KLRG1: variants seen among roughly 807,000 people sequenced by gnomAD.
The protein encoded by KLRG1 is killer cell lectin like receptor G1.
In KLRG1, 16 loss-of-function variants were observed where a neutral mutation model predicts 21.8. The observed-to-expected ratio is 0.73, with a 90% CI of 0.50 to 1.11. The LOEUF is 1.11. Ranked by LOEUF, KLRG1 falls within the 50% of genes most tolerant of loss-of-function variation. The pLI, the probability that KLRG1 is intolerant of heterozygous loss-of-function variation, is 0.00. For missense variants in KLRG1, 173 were observed against 218.3 expected (o/e 0.79, Z 1.31); for synonymous variants, 69 against 75.9 (o/e 0.91, Z 0.47).
chr12:9,176,237 T>C, the KLRG1 span, among the ~76,000 whole-genome samples: 1 of 152,194 alleles, frequency 6.6e-6, no homozygotes, highest in Non-Finnish European at 1.5e-5. Context: ...TGTTCTCACT[T>C]ATGAGTGGGA....
chr12:9,106,354 A>G, the KLRG1 span: 3 of 1,581,694 alleles, frequency 1.9e-6, no homozygotes, highest in African/African-American at 2.7e-5. Flanking sequence ...CACTGAAAAA[A>G]GAGAAAAAAA....
chr12:9,188,482 T>C, the KLRG1 span, among the ~76,000 whole-genome samples: 1 of 152,144 alleles, frequency 6.6e-6, no homozygotes, highest in African/African-American at 2.4e-5. Context: ...ATGTCCTCTC[T>C]CACCACTCCT....
At chr12:9,137,439 A>G in the KLRG1 span, among the ~76,000 whole-genome samples, 2 of 152,048 alleles carry the variant, frequency 1.3e-5, no homozygotes, top group African/African-American at 4.8e-5. Context: ...TTTGTACTAA[A>G]TTTTGAAATT....
At chr12:8,962,809 A>G (rs1001767035) in intron 1 of KLRG1, among the ~76,000 whole-genome samples, 2 of 152,144 alleles carry the variant, frequency 1.3e-5, no homozygotes, top group African/African-American at 4.8e-5. Flanking sequence ...CCCAACCCTG[A>G]AAAGATCAGA....
chr12:9,132,669 G>C, the KLRG1 span, among the ~76,000 whole-genome samples: 7 of 130,902 alleles, frequency 5.3e-5, no homozygotes, highest in Non-Finnish European at 1.0e-4. Context: ...TACAACAGTG[G>C]GAAGAGTGAG....
chr12:8,967,144 A>G (rs1387047029), intron 1 of KLRG1, among the ~76,000 whole-genome samples: 1 of 132,728 alleles, frequency 7.5e-6, no homozygotes, highest in Non-Finnish European at 1.6e-5. Flanking sequence ...ATGAGAACAC[A>G]TGGACACAGG....
the KLRG1 span, chr12:9,196,404 T>A: frequency 6.2e-7 from 1 of 1,613,788 alleles, no homozygotes; most frequent in East Asian, 2.2e-5. Flanking sequence ...ACAATGTTTG[T>A]GATTTCACTG....
the KLRG1 span, chr12:9,150,507 C>T: frequency 8.6e-6 from 5 of 584,676 alleles, no homozygotes; most frequent in South Asian, 4.3e-5. Context: ...TGTAGTAAGT[C>T]GTTTTTATAG....
At chr12:9,154,737 A>T in the KLRG1 span, 3 of 1,614,140 alleles carry the variant, frequency 1.9e-6, no homozygotes, top group Non-Finnish European at 2.5e-6. Context: ...AGCGAGGAGC[A>T]CATAGGATGT....
At chr12:9,027,500 CTT>C in the KLRG1 span, 2 of 1,073,232 alleles carry the variant, frequency 1.9e-6, no homozygotes, top group African/African-American at 1.6e-5. Flanking sequence ...CTCTGGCTCT[CTT>C]CTCCTGCTAA....
chr12:9,015,609 G>T (rs1373782357), downstream of KLRG1, among the ~76,000 whole-genome samples: 3 of 151,948 alleles, frequency 2.0e-5, no homozygotes, highest in Non-Finnish European at 2.9e-5. Context: ...CATCCAGACA[G>T]AACATCAACA....
chr12:9,027,094 C>T, the KLRG1 span, among the ~76,000 whole-genome samples: 3 of 150,418 alleles, frequency 2.0e-5, no homozygotes, highest in Non-Finnish European at 3.0e-5. Flanking sequence ...TATATATATA[C>T]ATTGTGGAAT....
Position 9,009,543 on chromosome 12 carries a change from G to T in KLRG1, c.*6G>T, listed in dbSNP as rs1430445727. On this transcript the variant is annotated 3_prime_UTR_variant, in exon 5 of 5. Transcript: ENST00000356986. ...GTAAGAAGGTCAGACTTTGATAGAT[G>T]ACCACTCTGTCCTGACCCTCAGATC... The T allele has an allele frequency of 1.2e-6, 2 of 1,613,550 alleles. No individual in the cohort carries two copies. The highest frequency in any genetic ancestry group is 1.1e-5 in the South Asian group (1 of 91,012).
At chr12:8,975,399 T>C (rs1379841366) in intron 1 of KLRG1, among the ~76,000 whole-genome samples, 1 of 152,220 alleles carries the variant, frequency 6.6e-6, no homozygotes, top group Non-Finnish European at 1.5e-5. Flanking sequence ...GTTGGCTTTA[T>C]GTTTTTAGAA....
chr12:8,965,729 G>C (rs1160619834), intron 1 of KLRG1, among the ~76,000 whole-genome samples: 297 of 136,594 alleles, frequency 2.2e-3, no homozygotes, highest in East Asian at 2.8e-3. Context: ...TCATGGGTAG[G>C]AAGAATCAAT....
chr12:9,034,819 C>T, the KLRG1 span, among the ~76,000 whole-genome samples: 2 of 152,044 alleles, frequency 1.3e-5, no homozygotes, highest in Admixed American at 6.6e-5. Flanking sequence ...AATTGTAAAA[C>T]GGTCTTGGGC....
intron 2 of KLRG1, among the ~76,000 whole-genome samples, chr12:8,994,286 G>A (rs1029193004): frequency 6.6e-5 from 10 of 152,114 alleles, no homozygotes; most frequent in Middle Eastern, 6.8e-3. Context: ...GACTGATCTT[G>A]AACTCCTGGC....
chr12:9,093,339 A>G, the KLRG1 span: 1 of 660,328 alleles, frequency 1.5e-6, no homozygotes, highest in Non-Finnish European at 2.7e-6. Flanking sequence ...GTGTATATAT[A>G]TATATCAAAA....
the KLRG1 span, chr12:9,058,512 TAAAC>T: frequency 6.6e-6 from 1 of 151,880 alleles, no homozygotes; most frequent in Non-Finnish European, 1.5e-5. Context: ...CATTGTAATA[TAAAC>T]AAACATATAT....
Sources: allele counts gnomAD v4.1 joint callset (sites outside exome capture counted in the v4.1 genomes callset), GRCh38; gene constraint gnomAD v4.1.1; transcripts MANE v1.5; gene names NCBI Gene and HGNC (gene_info 2026-07-23, HGNC 2026-07-21).